Variants in SAMD5 observed in about 807,000 individuals in gnomAD.
The protein encoded by SAMD5 is sterile alpha motif domain containing 5.
In SAMD5, 13 loss-of-function variants were observed where a neutral mutation model predicts 11.3. The observed-to-expected ratio is 1.15, with a 90% CI of 0.75 to 1.83. The LOEUF (loss-of-function observed/expected upper bound fraction) is 1.83. Ranked by LOEUF, SAMD5 falls within the 40% of genes most tolerant of loss-of-function variation. The probability of loss-of-function intolerance (pLI) is 0.00; values close to 1 mark genes in which losing one functional copy is unlikely to be tolerated. For synonymous variants in SAMD5, 129 were observed against 111.3 expected (o/e 1.16, Z -1.00); for missense variants, 255 against 239.1 (o/e 1.07, Z -0.44).
At position 147,511,375 on chromosome 6, in the gene SAMD5, G is replaced by T. The variant is rs900143791; in HGVS notation, c.459+1988G>T. On this transcript the variant is annotated intron_variant, in intron 1 of 1. Coordinates refer to ENST00000367474, the MANE Select transcript of SAMD5 (RefSeq NM_001030060.3). ...CCTGCCTAGATCAGTGGGTGCTATG[G>T]TAGTGCATTTGCATAAGTGCAGTTT... Among the ~76,000 whole-genome samples, 17 of 152,348 alleles carry T rather than the reference G, an allele frequency of 1.1e-4. No homozygotes were observed. The South Asian group carries it at 1.5e-3, about 13-fold the overall frequency.
intron 1 of SAMD5, among the ~76,000 whole-genome samples, chr6:147,618,121 G>A (rs1562334799): frequency 6.6e-6 from 1 of 152,196 alleles, no homozygotes; most frequent in African/African-American, 2.4e-5. Flanking sequence ...TTTTATAGGT[G>A]AGGAAACTGA....
At chr6:147,640,922 A>C (rs903077081) in intron 1 of SAMD5, among the ~76,000 whole-genome samples, 13 of 152,200 alleles carry the variant, frequency 8.5e-5, no homozygotes, top group African/African-American at 3.1e-4. Flanking sequence ...ATTTAATGTT[A>C]GCTTCCCTTG....
At chr6:147,824,583 T>C in the SAMD5 span, among the ~76,000 whole-genome samples, 2 of 151,992 alleles carry the variant, frequency 1.3e-5, no homozygotes, top group Non-Finnish European at 2.9e-5. Context: ...CTTGGTTAAA[T>C]GGCTGGGGTA....
At chr6:147,665,064 A>T (rs1201166131) in intron 1 of SAMD5, among the ~76,000 whole-genome samples, 1 of 152,206 alleles carries the variant, frequency 6.6e-6, no homozygotes, top group Admixed American at 6.5e-5. Flanking sequence ...TTACAGTGGA[A>T]AATGTTTCTG....
intron 1 of SAMD5, among the ~76,000 whole-genome samples, chr6:147,541,944 C>T (rs1487347263): frequency 6.6e-6 from 1 of 152,024 alleles, no homozygotes; most frequent in African/African-American, 2.4e-5. Flanking sequence ...TACAAAGAGA[C>T]ACCCTGCAGT....
Sources: allele counts gnomAD v4.1 joint callset (sites outside exome capture counted in the v4.1 genomes callset), GRCh38; gene constraint gnomAD v4.1.1; transcripts MANE v1.5; gene names NCBI Gene and HGNC (gene_info 2026-07-23, HGNC 2026-07-21).